The following MAST2 variants were observed in gnomAD, a reference collection of about 807,000 sequenced individuals.
MAST2 encodes microtubule associated serine/threonine kinase 2.
In MAST2, 70 loss-of-function variants were observed where a neutral mutation model predicts 147.4. That is an observed-to-expected ratio of 0.47 (90% CI 0.39 to 0.58). The LOEUF (loss-of-function observed/expected upper bound fraction) is 0.58. Among genes scored for constraint, MAST2 ranks in the 20% least tolerant of loss-of-function variants. MAST2 has a pLI of 0.00. For synonymous variants in MAST2, 869 were observed against 896.8 expected (o/e 0.97, Z 0.55); for missense variants, 2,080 against 2,302.3 (o/e 0.90, Z 1.98).
At chr1:45,817,675 CAG>C (rs1644497484) in intron 1 of MAST2, among the ~76,000 whole-genome samples, 1 of 152,096 alleles carries the variant, frequency 6.6e-6, no homozygotes, top group Admixed American at 6.6e-5. Context: ...CAGAAAAACA[CAG>C]AATACTATAT....
chr1:45,857,578 A>T lies in MAST2; in HGVS notation c.469-24786A>T, dbSNP rs2148036578. 2.0e-5 allele frequency among the ~76,000 whole-genome samples: 3 copies of T among 152,288 alleles called. No individual in the cohort carries two copies. The South Asian group carries it at 6.2e-4, about 32-fold the overall frequency. Reference sequence around the variant, plus strand: ...CCTGATGAGTCTCTGAGACTGCTGCAGGACTTGGATTTTGTAACTAAAGTT... The same window carrying T: ...CCTGATGAGTCTCTGAGACTGCTGCTGGACTTGGATTTTGTAACTAAAGTT... On this transcript the variant is annotated intron_variant, in intron 3 of 28. Transcript: ENST00000361297.
Position 45,829,547 on chromosome 1 carries a change from T to C in MAST2, c.434T>C (p.Leu145Pro). 1.2e-6 allele frequency: 2 copies of C among 1,614,210 alleles called. No individual in the cohort carries two copies. The highest frequency in any genetic ancestry group is 1.7e-6 in the Non-Finnish European group (2 of 1,180,026). Residue 145 changes from leucine to proline, a missense_variant, in exon 3 of 29, where the codon CTT becomes CCT. Leu to Pro is a moderately conservative substitution (Grantham distance 98). Coordinates refer to ENST00000361297, the MANE Select transcript of MAST2 (RefSeq NM_015112.3). Reference protein sequence around the residue: ...SNLVRMRNQSLGQSAPSLTAG... With the variant: ...SNLVRMRNQSPGQSAPSLTAG... ...CTGGTTCGAATGAGAAACCAGTCCC[T>C]TGGACAGTCTGCACCTTCTCTTACT...
intron 4 of MAST2, among the ~76,000 whole-genome samples, chr1:45,911,758 T>C (rs1651684689): frequency 6.6e-6 from 1 of 150,866 alleles, no homozygotes; most frequent in South Asian, 2.1e-4. Context: ...TGATGAGTAC[T>C]ACATGAATAT....
intron 4 of MAST2, among the ~76,000 whole-genome samples, chr1:45,899,470 C>T (rs942610712): frequency 2.0e-5 from 3 of 152,042 alleles, no homozygotes; most frequent in Admixed American, 6.6e-5. Context: ...CTCCTCTCCC[C>T]TTTTGGAGTC....
At chr1:45,845,556 C>G (rs1010356788) in intron 3 of MAST2, among the ~76,000 whole-genome samples, 4 of 152,034 alleles carry the variant, frequency 2.6e-5, no homozygotes, top group Admixed American at 2.6e-4. Flanking sequence ...TTAGGAAAAA[C>G]ATTGTACAAC....
chr1:45,896,095 CAGTGGCACTGCAACCTCTGCCTCCCT>C, intron 4 of MAST2, among the ~76,000 whole-genome samples: 1 of 148,472 alleles, frequency 6.7e-6, no homozygotes, highest in Non-Finnish European at 1.5e-5. Flanking sequence ...GGTTGGAGTG[CAGTGGCACTGCAACCTCTGCCTCCCT>C]GGTTCAAGGA....
chr1:45,937,241 T>C (rs1023271788), intron 4 of MAST2, among the ~76,000 whole-genome samples: 4 of 152,068 alleles, frequency 2.6e-5, no homozygotes, highest in Non-Finnish European at 5.9e-5. Context: ...CAGCTTTTTT[T>C]TTTAATTACA....
At chr1:45,902,122 C>CAT (rs779624298) in intron 4 of MAST2, among the ~76,000 whole-genome samples, 6 of 152,138 alleles carry the variant, frequency 3.9e-5, no homozygotes, top group Non-Finnish European at 8.8e-5. Context: ...GTGAGTTTAT[C>CAT]ATATATGGTT....
rs369921244 is a variant in MAST2, at chr1:46,019,611, G to A, written c.1204G>A (p.Glu402Lys). 5.0e-5 allele frequency: 81 copies of A among 1,613,950 alleles called. No individual in the cohort carries two copies. The highest frequency in any genetic ancestry group is 6.1e-5 in the Non-Finnish European group (72 of 1,179,988). ...KLLQDAHERS[E>K]SSEVAFVMQL... Reference sequence around the variant, plus strand: ...TTCTCTATAGGCTCATGAGCGCTCAGAGAGCTCAGAAGTGGCTTTTGTGAT... The same window carrying A: ...TTCTCTATAGGCTCATGAGCGCTCAAAGAGCTCAGAAGTGGCTTTTGTGAT... Residue 402 changes from glutamate (E) to lysine (K), a missense_variant, in exon 11 of 29, where the codon GAG becomes AAG. By Grantham distance (56) the Glu-to-Lys change is moderately conservative. Around this residue, in one of 4 missense-constraint regions of MAST2, gnomAD observed 569 missense variants for 642.5 expected, o/e 0.89. Transcript: ENST00000361297.
chr1:46,034,427 AGCTTG>A, intron 28 of MAST2, 106 bp from the exon 29 acceptor site: 1 of 1,333,982 alleles, frequency 7.5e-7, no homozygotes, highest in South Asian at 1.5e-5. Context: ...GGAAGGGGGT[AGCTTG>A]GTTTCTGGGA....
At chr1:45,980,918 C>T (rs1286363320) in intron 5 of MAST2, among the ~76,000 whole-genome samples, 3 of 152,128 alleles carry the variant, frequency 2.0e-5, no homozygotes, top group South Asian at 2.1e-4. Flanking sequence ...GTCCTCCTTG[C>T]CCACTGTCCA....
At chr1:45,862,436 T>C (rs1324606621) in intron 3 of MAST2, among the ~76,000 whole-genome samples, 1 of 151,694 alleles carries the variant, frequency 6.6e-6, no homozygotes, top group Non-Finnish European at 1.5e-5. Context: ...GTGTCTTGAA[T>C]GCCAAGGGGA....
chr1:46,000,837 C>A, intron 6 of MAST2: 1 of 607,814 alleles, frequency 1.6e-6, no homozygotes, highest in Non-Finnish European at 2.7e-6. Context: ...AATTTCACTT[C>A]AAACTATCAC....
intron 4 of MAST2, among the ~76,000 whole-genome samples, chr1:45,911,483 T>C (rs2148574591): frequency 6.6e-6 from 1 of 152,300 alleles, no homozygotes; most frequent in East Asian, 1.9e-4. Flanking sequence ...CATTTGCTGC[T>C]GTTGTCAGAA....
chr1:45,987,292 CA>C (rs1644664634), intron 5 of MAST2, among the ~76,000 whole-genome samples: 1 of 151,744 alleles, frequency 6.6e-6, no homozygotes, highest in South Asian at 2.1e-4. Flanking sequence ...TTATTGATCT[CA>C]AAAACCTGTG....
intron 4 of MAST2, chr1:45,917,447 G>C (rs1652729201): frequency 7.3e-7 from 1 of 1,366,370 alleles, no homozygotes; most frequent in South Asian, 1.1e-5. Flanking sequence ...ATTGTGCTTT[G>C]GCTACTTCTC....
At chr1:45,818,669 C>T (rs899742386) in intron 1 of MAST2, among the ~76,000 whole-genome samples, 5 of 152,146 alleles carry the variant, frequency 3.3e-5, no homozygotes, top group African/African-American at 7.2e-5. Context: ...TTCCGATGGT[C>T]GGCCACTACA....
chr1:45,880,192 G>A (rs954307089), intron 3 of MAST2, among the ~76,000 whole-genome samples: 1 of 152,140 alleles, frequency 6.6e-6, no homozygotes, highest in Non-Finnish European at 1.5e-5. Context: ...AATGGAATTG[G>A]AGAAACGATA....
chr1:45,816,480 A>G (rs1033759946), intron 1 of MAST2, among the ~76,000 whole-genome samples: 6 of 152,154 alleles, frequency 3.9e-5, no homozygotes, highest in African/African-American at 1.4e-4. Flanking sequence ...AATTCAAAAT[A>G]CCCATTTTGA....
Sources: allele counts gnomAD v4.1 joint callset (sites outside exome capture counted in the v4.1 genomes callset), GRCh38; gene constraint gnomAD v4.1.1; regional missense constraint gnomAD v4.1.1; transcripts MANE v1.5; gene names NCBI Gene and HGNC (gene_info 2026-07-23, HGNC 2026-07-21).